The following GDA variants were observed in gnomAD, a reference collection of about 807,000 sequenced individuals.
GDA encodes the protein guanine deaminase.
Under a neutral mutation model 59.6 loss-of-function variants are expected in GDA, and 18 were observed. The ratio of observed to expected loss-of-function variants is 0.30; its 90% CI spans 0.21 to 0.45. GDA has a LOEUF of 0.45. GDA is among the 20% of genes least tolerant of loss of function. The pLI is 1.00. For missense variants in GDA, 427 were observed against 552.3 expected, an observed-to-expected ratio of 0.77 and a Z score of 2.27; for synonymous variants, 201 against 201.1, an observed-to-expected ratio of 1.00 and a Z score of 0.00.
intron 1 of GDA, among the ~76,000 whole-genome samples, chr9:72,119,363 G>C (rs1825581150): frequency 6.6e-6 from 1 of 152,144 alleles, no homozygotes; most frequent in Non-Finnish European, 1.5e-5. Flanking sequence ...AAATTAGCTG[G>C]ATGTGGTGGC....
Position 72,206,388 on chromosome 9 carries a change from C to T in GDA, c.384+3646C>T, listed in dbSNP as rs958467849. Among the ~76,000 whole-genome samples, 15 of 151,882 alleles carry T rather than the reference C, an allele frequency of 9.9e-5. No individual in the cohort carries two copies. The South Asian group carries it at 1.9e-3, about 19-fold the overall frequency. On this transcript the variant is annotated intron_variant, in intron 3 of 13. Coordinates refer to ENST00000358399, the MANE Select transcript of GDA (RefSeq NM_004293.5). ...GTTCCATTTTTTTTTGCCGTGTATACTATATTTAAGATAATATTTAACTTT... is the reference window on the plus strand; with the variant it reads ...GTTCCATTTTTTTTTGCCGTGTATATTATATTTAAGATAATATTTAACTTT...
intron 9 of GDA, among the ~76,000 whole-genome samples, chr9:72,229,679 C>A (rs981079823): frequency 1.3e-5 from 2 of 152,152 alleles, no homozygotes; most frequent in African/African-American, 4.8e-5. Flanking sequence ...CAGGCTCTAG[C>A]ACAGGAGAGA....
At chr9:72,240,177 C>A (rs753199346) in intron 10 of GDA, among the ~76,000 whole-genome samples, 1 of 152,042 alleles carries the variant, frequency 6.6e-6, no homozygotes, top group Non-Finnish European at 1.5e-5. Context: ...TTTAATGATG[C>A]CTACCAAAAT....
intron 1 of GDA, among the ~76,000 whole-genome samples, chr9:72,130,005 C>T (rs924524186): frequency 2.6e-5 from 4 of 152,170 alleles, no homozygotes; most frequent in Admixed American, 6.5e-5. Context: ...GCTTGCCAGA[C>T]GTTGTTGGAT....
intron 11 of GDA, 96 bp from the exon 12 acceptor site, chr9:72,245,052 T>C: frequency 8.7e-7 from 1 of 1,154,238 alleles, no homozygotes. Context: ...TTTTTTCTCC[T>C]AGCGACATGT....
intron 1 of GDA, among the ~76,000 whole-genome samples, chr9:72,171,733 G>A (rs1433341187): frequency 6.6e-6 from 1 of 151,778 alleles, no homozygotes; most frequent in Non-Finnish European, 1.5e-5. Context: ...TACCTAAAAG[G>A]TCTTGTACAT....
chr9:72,152,111 G>T (rs976453968), intron 1 of GDA, among the ~76,000 whole-genome samples: 1 of 152,136 alleles, frequency 6.6e-6, no homozygotes, highest in African/African-American at 2.4e-5. Context: ...TTATAGCAGC[G>T]GGTGGATTAC....
At chr9:72,259,455 G>T (rs1426846675), downstream of GDA, among the ~76,000 whole-genome samples, 1 of 152,230 alleles carries the variant, frequency 6.6e-6, no homozygotes, top group Non-Finnish European at 1.5e-5. Flanking sequence ...CTCCACAGCT[G>T]CAGGCTTTTT....
At chr9:72,174,761 T>C (rs7041441) in intron 1 of GDA, among the ~76,000 whole-genome samples, 11 of 145,636 alleles carry the variant, frequency 7.6e-5, no homozygotes, top group African/African-American at 2.9e-4. Flanking sequence ...TATATATATA[T>C]AGAGAGAGAG....
At chr9:72,215,818 A>C (rs1836038344) in intron 5 of GDA, among the ~76,000 whole-genome samples, 1 of 152,244 alleles carries the variant, frequency 6.6e-6, no homozygotes, top group Non-Finnish European at 1.5e-5. Context: ...ATGCAGATAG[A>C]ATCATAAAAA....
intron 6 of GDA, among the ~76,000 whole-genome samples, chr9:72,220,986 C>T (rs1836782630): frequency 6.6e-6 from 1 of 152,196 alleles, no homozygotes; most frequent in Admixed American, 6.5e-5. Flanking sequence ...TGACCCTTCC[C>T]TGATCATCTT....
intron 10 of GDA, among the ~76,000 whole-genome samples, chr9:72,239,476 T>C (rs900586431): frequency 1.3e-5 from 2 of 152,302 alleles, no homozygotes; most frequent in Middle Eastern, 3.4e-3. Context: ...AAGTCTTCCA[T>C]ATTCATACCA....
intron 1 of GDA, 92 bp from the exon 2 acceptor site, chr9:72,195,408 T>C (rs568210489): frequency 2.6e-6 from 1 of 388,156 alleles, no homozygotes; most frequent in African/African-American, 2.1e-5. Context: ...TCAGCTATAG[T>C]CTCTTTTAAG....
intron 13 of GDA, 42 bp from the exon 14 acceptor site, chr9:72,248,230 C>T: frequency 7.4e-7 from 1 of 1,351,752 alleles, no homozygotes; most frequent in Non-Finnish European, 1.1e-6. Context: ...TACTTATTGA[C>T]ACAAAAGGAT....
chr9:72,248,294 G>A lies in GDA; in HGVS notation c.1317G>A (p.Glu439=). The A allele has an allele frequency of 6.2e-7, 1 of 1,612,568 alleles. No homozygotes were observed. The highest frequency in any genetic ancestry group is 1.1e-5 in the South Asian group (1 of 91,052). Residue 439 remains glutamate (E), a synonymous_variant, in exon 14 of 14, where the codon GAG becomes GAA. Transcript: ENST00000358399. ...CAGGAGATGATCGAAATATTGAAGA[G>A]GTTTATGTGGGCGGAAAGCAGGTGG... ...LYLGDDRNIE[E]VYVGGKQVVP...
intron 1 of GDA, among the ~76,000 whole-genome samples, chr9:72,119,075 T>TA (rs1352054725): frequency 6.6e-6 from 1 of 152,190 alleles, no homozygotes; most frequent in East Asian, 1.9e-4. Context: ...TCTAGGAATA[T>TA]AAATAAAAAA....
intron 1 of GDA, among the ~76,000 whole-genome samples, chr9:72,143,910 A>G (rs1826530751): frequency 6.6e-6 from 1 of 152,214 alleles, no homozygotes; most frequent in African/African-American, 2.4e-5. Context: ...CAAGAGTAAT[A>G]TAGGAGCTAT....
chr9:72,172,976 C>A (rs1014501479), intron 1 of GDA, among the ~76,000 whole-genome samples: 5 of 152,122 alleles, frequency 3.3e-5, no homozygotes, highest in Non-Finnish European at 7.3e-5. Context: ...AGACAAATAC[C>A]CTAACTGCAA....
Position 72,149,463 on chromosome 9 carries a change from C to T in GDA, c.-97C>T, listed in dbSNP as rs1002121982. 83 of 1,450,244 alleles carry T rather than the reference C, an allele frequency of 5.7e-5. No homozygotes were observed. The highest frequency in any genetic ancestry group is 7.4e-5 in the Non-Finnish European group (80 of 1,076,710). The allele number at this position is 1,450,244 out of a possible 1,614,324, so 89.8% of individuals were successfully genotyped here. On this transcript the variant is annotated 5_prime_UTR_variant, in exon 1 of 14. Transcript: ENST00000358399. Reference sequence around the variant, plus strand: ...GCAGGACAAGGCCGGAGCCTGTGTCCGCCCGGCAGCCGCCCGCAGCTGCAG... The same window carrying T: ...GCAGGACAAGGCCGGAGCCTGTGTCTGCCCGGCAGCCGCCCGCAGCTGCAG...
Sources: allele counts gnomAD v4.1 joint callset (sites outside exome capture counted in the v4.1 genomes callset), GRCh38; gene constraint gnomAD v4.1.1; transcripts MANE v1.5; gene names NCBI Gene and HGNC (gene_info 2026-07-23, HGNC 2026-07-21).